Variants in PCDHGA6 observed in about 807,000 individuals in gnomAD.
PCDHGA6 encodes protocadherin gamma subfamily A, 6.
In PCDHGA6, 41 loss-of-function variants were observed where a neutral mutation model predicts 60.6. The observed-to-expected ratio is 0.68, with a 90% CI of 0.53 to 0.88. The LOEUF is 0.88. Ranked by LOEUF, PCDHGA6 falls within the 40% of genes least tolerant of loss-of-function variation. PCDHGA6 has a pLI of 0.00. For missense variants in PCDHGA6, 1,312 were observed against 1,203.0 expected (o/e 1.09, Z -1.34); for synonymous variants, 594 against 524.4 (o/e 1.13, Z -1.81).
chr5:141,484,647 G>C (rs556711906), intron 1 of PCDHGA6, among the ~76,000 whole-genome samples: 1 of 151,948 alleles, frequency 6.6e-6, no homozygotes, highest in African/African-American at 2.4e-5. Context: ...CTCTCCAATG[G>C]CTACTCTCCC....
intron 1 of PCDHGA6, chr5:141,392,740 G>A: frequency 1.4e-6 from 2 of 1,435,578 alleles, no homozygotes. Context: ...CATCTCCATA[G>A]CTGCGGCAAG....
Position 141,476,480 on chromosome 5 carries a change from G to A in PCDHGA6, c.2425-18327G>A, listed in dbSNP as rs761828753. 1 of 1,614,108 alleles carries A rather than the reference G, an allele frequency of 6.2e-7. No individual in the cohort carries two copies. The highest frequency in any genetic ancestry group is 2.2e-5 in the East Asian group (1 of 44,846). On this transcript the variant is annotated intron_variant, in intron 1 of 3. Transcript: ENST00000517434. This position sits in a 1 kb window ranked among gnomAD's most constrained non-coding sequence, Gnocchi z 7.6. ...GAACCCGCTGGAGCTGTTCAGCGTG[G>A]AAGTGGTGATCCAGGACATCAACGA...
At chr5:141,394,226 C>CT (rs771492563) in intron 1 of PCDHGA6, 132 of 1,613,834 alleles carry the variant, frequency 8.2e-5, no homozygotes, top group Non-Finnish European at 1.1e-4. Context: ...GAGCCTCCAT[C>CT]TTTTCCTTGA....
At position 141,486,602 on chromosome 5, in the gene PCDHGA6, C is replaced by T; in HGVS notation, c.2425-8205C>T. The stretch of plus-strand genomic sequence containing the variant: ...TCGCCCAGGGGACCTGCTTTGCTCC[C>T]TTGCAGCCTCTGACCCAGACTCTGG... On this transcript the variant is annotated intron_variant, in intron 1 of 3. Transcript: ENST00000517434. The surrounding 1 kb of genome is among the most constrained non-coding windows in gnomAD (Gnocchi z 5.0). 6.2e-7 allele frequency: 1 copy of T among 1,613,572 alleles called. No homozygotes were observed. Among genetic ancestry groups the T allele is most frequent in the Non-Finnish European group, 8.5e-7 (1 of 1,180,026 alleles).
Position 141,404,574 on chromosome 5 carries a change from C to G in PCDHGA6, c.2424+28067C>G, listed in dbSNP as rs185791741. 3 of 1,613,908 alleles carry G rather than the reference C, an allele frequency of 1.9e-6. No individual in the cohort carries two copies. The East Asian group carries it at 6.7e-5, about 36-fold the overall frequency. The stretch of plus-strand genomic sequence containing the variant: ...ACGGCAAGTGACAGTGGAAGCCCAC[C>G]ACTTAGCAGCAATGTGTCATTGAGA... On this transcript the variant is annotated intron_variant, in intron 1 of 3. Coordinates refer to ENST00000517434, the MANE Select transcript of PCDHGA6 (RefSeq NM_018919.3).
At chr5:141,422,141 G>A (rs1441509284) in intron 1 of PCDHGA6, 9 of 1,583,068 alleles carry the variant, frequency 5.7e-6, no homozygotes, top group Middle Eastern at 1.7e-4. Context: ...GTTCAAGTAC[G>A]GGGGTCTCTG....
chr5:141,383,391 G>C, intron 1 of PCDHGA6: 2 of 1,613,978 alleles, frequency 1.2e-6, no homozygotes, highest in Non-Finnish European at 1.7e-6. Flanking sequence ...ATGTGGGCAC[G>C]AACTCCCTCC....
intron 1 of PCDHGA6, among the ~76,000 whole-genome samples, chr5:141,455,902 TA>T (rs2098836291): frequency 6.7e-6 from 1 of 149,860 alleles, no homozygotes. Context: ...TTTATTTATT[TA>T]TTTATTTATT....
chr5:141,467,990 A>G (rs1593103654), intron 1 of PCDHGA6, among the ~76,000 whole-genome samples: 2 of 152,052 alleles, frequency 1.3e-5, no homozygotes, highest in South Asian at 2.1e-4. Context: ...GAAAACCACA[A>G]TTCTTTCTTC....
At position 141,374,366 on chromosome 5, in the gene PCDHGA6, C is replaced by T; in HGVS notation, c.283C>T (p.Leu95Phe). 6.2e-7 allele frequency: 1 copy of T among 1,614,052 alleles called. No homozygotes were observed. The highest frequency in any genetic ancestry group is 8.5e-7 in the Non-Finnish European group (1 of 1,179,900). The change falls in exon 1 of 4, where the codon CTC becomes TTC. Residue 95 changes from leucine to phenylalanine, a missense_variant. Physicochemically the swap from Leu to Phe is conservative, Grantham distance 22. Transcript: ENST00000517434. ...CGCGGGTAGGATAGACCGCGAGGAG[C>T]TCTGTGCTCAGAGCCCGCGGTGTCT... Reference protein sequence around the residue: ...VTAGRIDREELCAQSPRCLVS... With the variant: ...VTAGRIDREEFCAQSPRCLVS...
intron 1 of PCDHGA6, chr5:141,441,758 C>T: frequency 2.6e-6 from 1 of 382,050 alleles, no homozygotes. Context: ...TCAACGTGAG[C>T]CTGCGCGTGT....
chr5:141,497,829 C>T (rs754594104), intron 2 of PCDHGA6, among the ~76,000 whole-genome samples: 147 of 152,160 alleles, frequency 9.7e-4, no homozygotes, highest in Non-Finnish European at 1.8e-3. Flanking sequence ...TGTGATCGCC[C>T]CCGGCCACAA....
At position 141,487,047 on chromosome 5, in the gene PCDHGA6, C is replaced by T; in HGVS notation, c.2425-7760C>T. The T allele has an allele frequency of 6.2e-7, 1 of 1,614,188 alleles. No individual in the cohort carries two copies. Among genetic ancestry groups the T allele is most frequent in the Non-Finnish European group, 8.5e-7 (1 of 1,180,032 alleles). ...AGCCTGTTTGCAGTCTCTCGATATGCTGGGGAGGTGCGGACGGCTGTTCCT... is the reference window on the plus strand; with the variant it reads ...AGCCTGTTTGCAGTCTCTCGATATGTTGGGGAGGTGCGGACGGCTGTTCCT... On this transcript the variant is annotated intron_variant, in intron 1 of 3. Coordinates refer to ENST00000517434, the MANE Select transcript of PCDHGA6 (RefSeq NM_018919.3). This position sits in a 1 kb window ranked among gnomAD's most constrained non-coding sequence, Gnocchi z 5.0.
At position 141,383,863 on chromosome 5, in the gene PCDHGA6, C is replaced by G. The variant is rs768251798; in HGVS notation, c.2424+7356C>G. ...CTTCTATGAAATGGAGGTTCAGGCT[C>G]AAGATGGTCCTGGTAGTCTGACAAA... On this transcript the variant is annotated intron_variant, in intron 1 of 3. Coordinates refer to ENST00000517434, the MANE Select transcript of PCDHGA6 (RefSeq NM_018919.3). 4.3e-6 allele frequency: 7 copies of G among 1,613,772 alleles called. No homozygotes were observed. Among genetic ancestry groups the G allele is most frequent in the African/African-American group, 2.7e-5 (2 of 74,914 alleles).
chr5:141,495,870 CCT>C (rs1183994771), intron 2 of PCDHGA6, among the ~76,000 whole-genome samples: 2 of 152,100 alleles, frequency 1.3e-5, no homozygotes. Flanking sequence ...TTTCTGCTTT[CCT>C]CTCTGTTCTT....
rs1427881816 is a variant in PCDHGA6 at position 141,486,740 on chromosome 5, T to C, written c.2425-8067T>C. ...AGGAGCTGTTCATGCTACTCGATCC[T>C]TTGACTATGAGCAAACCCAGACACT... On this transcript the variant is annotated intron_variant, in intron 1 of 3. Coordinates refer to ENST00000517434, the MANE Select transcript of PCDHGA6 (RefSeq NM_018919.3). The surrounding 1 kb of genome is among the most constrained non-coding windows in gnomAD (Gnocchi z 5.0). 6.2e-7 allele frequency: 1 copy of C among 1,614,234 alleles called. No homozygotes were observed. Among genetic ancestry groups the C allele is most frequent in the Admixed American group, 1.7e-5 (1 of 60,026 alleles).
chr5:141,413,533 C>G, intron 1 of PCDHGA6: 1 of 1,613,934 alleles, frequency 6.2e-7, no homozygotes, highest in Non-Finnish European at 8.5e-7. Flanking sequence ...CAGGGTGAAA[C>G]TTTTTGGGAT....
At chr5:141,394,621 G>C (rs1231814252) in intron 1 of PCDHGA6, 1 of 1,613,408 alleles carries the variant, frequency 6.2e-7, no homozygotes, top group African/African-American at 1.3e-5. Flanking sequence ...CAGAACGCCT[G>C]GCTGTCCTAC....
At chr5:141,418,904 A>C (rs2096300166) in intron 1 of PCDHGA6, 1 of 1,613,998 alleles carries the variant, frequency 6.2e-7, no homozygotes, top group Admixed American at 1.7e-5. Context: ...AGAAATAATC[A>C]TCACGTCACT....
Sources: gnomAD v4.1 joint callset for allele counts (sites outside exome capture counted in the v4.1 genomes callset) on GRCh38, gnomAD v4.1.1 for gene constraint, Gnocchi (gnomAD v3.1) non-coding constraint, MANE v1.5 for transcripts, NCBI Gene and HGNC (gene_info 2026-07-23, HGNC 2026-07-21) for gene names.